The following MSRA variants were observed in gnomAD, a reference collection of about 807,000 sequenced individuals.
MSRA encodes the protein methionine sulfoxide reductase A.
In MSRA, 54 loss-of-function variants were observed where a neutral mutation model predicts 31.3. That is an observed-to-expected ratio of 1.73 (90% CI 1.39 to 2.17). The LOEUF (loss-of-function observed/expected upper bound fraction) is 2.17, where lower values mean the gene tolerates loss of function less well. Among genes scored for constraint, MSRA ranks in the 30% most tolerant of loss-of-function variants. The pLI, the probability that MSRA is intolerant of heterozygous loss-of-function variation, is 0.00. For synonymous variants in MSRA, 169 were observed against 116.5 expected (o/e 1.45, Z -2.90); for missense variants, 507 against 300.9 (o/e 1.69, Z -5.07).
chr8:10,188,400 G>T (rs1175581740), intron 1 of MSRA, among the ~76,000 whole-genome samples: 1 of 152,214 alleles, frequency 6.6e-6, no homozygotes. Flanking sequence ...TGTTCAGACT[G>T]TTTCGTTAGG....
intron 5 of MSRA, among the ~76,000 whole-genome samples, chr8:10,327,957 A>G (rs1378323694): frequency 6.8e-6 from 1 of 146,176 alleles, no homozygotes; most frequent in East Asian, 2.0e-4. Flanking sequence ...AAAAAAACCT[A>G]CTCACCTGCG....
At chr8:10,409,469 G>T (rs1355340007) in intron 5 of MSRA, among the ~76,000 whole-genome samples, 1 of 152,186 alleles carries the variant, frequency 6.6e-6, no homozygotes, top group Non-Finnish European at 1.5e-5. Flanking sequence ...TTTGGTGAGT[G>T]GTTGAGAACC....
intron 3 of MSRA, among the ~76,000 whole-genome samples, chr8:10,287,502 C>T (rs1241508655): frequency 2.6e-5 from 4 of 152,138 alleles, no homozygotes; most frequent in African/African-American, 7.2e-5. Context: ...AGGAAAAGTC[C>T]AGTGCAGAGT....
chr8:10,145,492 T>A (rs1010348657), intron 1 of MSRA, among the ~76,000 whole-genome samples: 4 of 152,206 alleles, frequency 2.6e-5, no homozygotes, highest in African/African-American at 9.7e-5. Context: ...GCCGCCTGCA[T>A]AATTCATTTT....
chr8:10,142,677 C>T (rs568303957), intron 1 of MSRA, among the ~76,000 whole-genome samples: 29 of 152,178 alleles, frequency 1.9e-4, no homozygotes, highest in Admixed American at 5.9e-4. Flanking sequence ...TTTTAATGTC[C>T]TCTGCAATTG....
intron 1 of MSRA, among the ~76,000 whole-genome samples, chr8:10,078,244 C>G (rs1447978265): frequency 6.6e-6 from 1 of 152,158 alleles, no homozygotes; most frequent in Non-Finnish European, 1.5e-5. Flanking sequence ...TCCTCTTTAC[C>G]CTCCTCCTCC....
At position 10,120,700 on chromosome 8, in the gene MSRA, TA is replaced by T. The variant is rs1801046315; in HGVS notation, c.142+66045del. Among the ~76,000 whole-genome samples, 7 of 152,298 alleles carry T rather than the reference TA, an allele frequency of 4.6e-5. No homozygotes were observed. In the South Asian group the frequency reaches 1.5e-3, roughly 32 times the overall value. On this transcript the variant is annotated intron_variant, in intron 1 of 5. Coordinates refer to ENST00000317173, the MANE Select transcript of MSRA (RefSeq NM_012331.5). Reference sequence around the variant, plus strand: ...TGATCATGTAAACAAATCGTATAATTAAAGCGAAGCCTGGTGAATCTAATGG... The same window carrying T: ...TGATCATGTAAACAAATCGTATAATTAAGCGAAGCCTGGTGAATCTAATGG...
chr8:10,182,030 C>T (rs1026398503), intron 1 of MSRA, among the ~76,000 whole-genome samples: 16 of 152,018 alleles, frequency 1.1e-4, no homozygotes, highest in African/African-American at 3.9e-4. Context: ...GGATATAGTT[C>T]TCTTGGTACA....
intron 1 of MSRA, among the ~76,000 whole-genome samples, chr8:10,065,902 T>G (rs1390163609): frequency 6.6e-6 from 1 of 151,912 alleles, no homozygotes; most frequent in Non-Finnish European, 1.5e-5. Flanking sequence ...TGCCTGACAG[T>G]GCCTGCTCCT....
chr8:10,342,823 A>G (rs1803515399), intron 5 of MSRA, among the ~76,000 whole-genome samples: 1 of 152,192 alleles, frequency 6.6e-6, no homozygotes, highest in Non-Finnish European at 1.5e-5. Flanking sequence ...TGACTTAGGG[A>G]CCAGGCTCCG....
Position 10,192,050 on chromosome 8 carries a change from C to G in MSRA, c.143-15783C>G, listed in dbSNP as rs576443424. ...CAGGGCTGTTGGCAAGCCTCCGTTT[C>G]CTGCCACATGGGCCTCTTCATAGGG... On this transcript the variant is annotated intron_variant, in intron 1 of 5. Coordinates refer to ENST00000317173, the MANE Select transcript of MSRA (RefSeq NM_012331.5). Among the ~76,000 whole-genome samples, 7 of 152,248 alleles carry G rather than the reference C, an allele frequency of 4.6e-5. No homozygotes were observed. In the South Asian group the frequency reaches 1.5e-3, roughly 32 times the overall value.
intron 5 of MSRA, 78 bp from the exon 6 acceptor site, chr8:10,428,070 C>A: frequency 6.7e-7 from 1 of 1,499,710 alleles, no homozygotes; most frequent in Non-Finnish European, 9.0e-7. Flanking sequence ...CACTGCAGCC[C>A]TGGCCCCTCA....
At chr8:10,374,335 G>C (rs1470275838) in intron 5 of MSRA, among the ~76,000 whole-genome samples, 1 of 152,176 alleles carries the variant, frequency 6.6e-6, no homozygotes, top group African/African-American at 2.4e-5. Context: ...TGCACCAGCG[G>C]GAGTGGGAAG....
intron 2 of MSRA, among the ~76,000 whole-genome samples, chr8:10,229,552 A>T (rs1223724558): frequency 6.6e-6 from 1 of 152,008 alleles, no homozygotes; most frequent in East Asian, 1.9e-4. Flanking sequence ...GAGGGGATTT[A>T]GAGGGTGTGC....
intron 1 of MSRA, among the ~76,000 whole-genome samples, chr8:10,182,526 C>T (rs1195509054): frequency 4.6e-5 from 7 of 152,126 alleles, no homozygotes; most frequent in Admixed American, 6.6e-5. Context: ...TCCAGGCTCA[C>T]TTGTGTGGTT....
rs1369949464 is a variant in MSRA at position 10,308,388 on chromosome 8, G to A, written c.436+6750G>A. 7.9e-5 allele frequency among the ~76,000 whole-genome samples: 12 copies of A among 152,236 alleles called. No homozygotes were observed. In the East Asian group the frequency reaches 1.5e-3, roughly 20 times the overall value. On this transcript the variant is annotated intron_variant, in intron 4 of 5. Coordinates refer to ENST00000317173, the MANE Select transcript of MSRA (RefSeq NM_012331.5). ...TCATGGCTGTGAACCAGATCGGCCCGGCACTCGCTGTGCGGACAGGCCTCA... is the reference window on the plus strand; with the variant it reads ...TCATGGCTGTGAACCAGATCGGCCCAGCACTCGCTGTGCGGACAGGCCTCA...
chr8:10,122,220 C>G (rs1047435865), intron 1 of MSRA, among the ~76,000 whole-genome samples: 3 of 152,050 alleles, frequency 2.0e-5, no homozygotes, highest in Non-Finnish European at 2.9e-5. Flanking sequence ...TGTGAAGCAT[C>G]CTAAGGGCTG....
intron 2 of MSRA, among the ~76,000 whole-genome samples, chr8:10,229,709 A>G (rs142322933): frequency 5.5e-4 from 84 of 152,274 alleles, no homozygotes; most frequent in African/African-American, 1.9e-3. Flanking sequence ...TAGATGAGAA[A>G]AAAAAGGGTT....
At chr8:10,331,961 C>G (rs1242592852) in intron 5 of MSRA, among the ~76,000 whole-genome samples, 1 of 152,180 alleles carries the variant, frequency 6.6e-6, no homozygotes, top group Admixed American at 6.5e-5. Flanking sequence ...GGAGGGCCGA[C>G]TGTATCAGGG....
Sources: allele counts gnomAD v4.1 joint callset (sites outside exome capture counted in the v4.1 genomes callset), GRCh38; gene constraint gnomAD v4.1.1; transcripts MANE v1.5; gene names NCBI Gene and HGNC (gene_info 2026-07-23, HGNC 2026-07-21).